Variants in SHANK2 observed in about 807,000 individuals in gnomAD.
The protein encoded by SHANK2 is SH3 and multiple ankyrin repeat domains 2, also known as SH3 and multiple ankyrin repeat domains protein 2.
A neutral mutation model predicts 133.7 loss-of-function variants in SHANK2; 43 were observed. That is an observed-to-expected ratio of 0.32 (90% CI 0.25 to 0.41). The LOEUF is 0.41. Among genes scored for constraint, SHANK2 ranks in the 10% least tolerant of loss-of-function variants. The pLI is 1.00. For synonymous variants in SHANK2, 1,017 were observed against 952.8 expected, an observed-to-expected ratio of 1.07 and a Z score of -1.24; for missense variants, 1,994 against 2,235.8, an observed-to-expected ratio of 0.89 and a Z score of 2.18.
At chr11:70,663,734 C>T (rs1045977070) in intron 15 of SHANK2, among the ~76,000 whole-genome samples, 4 of 152,314 alleles carry the variant, frequency 2.6e-5, no homozygotes, top group Admixed American at 1.3e-4. Flanking sequence ...CTGGGGAACT[C>T]GGTCACAACT....
rs1053404030 is a variant in SHANK2, at chr11:70,728,996, G to C, written c.1778-30233C>G. Among the ~76,000 whole-genome samples the C allele has an allele frequency of 3.9e-5, 6 of 152,062 alleles. No homozygotes were observed. The East Asian group carries it at 1.2e-3, about 29-fold the overall frequency. On this transcript the variant is annotated intron_variant, in intron 14 of 25. Transcript: ENST00000601538. The stretch of plus-strand genomic sequence containing the variant: ...GAGGTGGGTGGATCACCTGAGCTCA[G>C]GAGTTCGAGACCAGCCTGGCCAACA...
rs1555094294 is a variant in SHANK2 at position 71,092,521 on chromosome 11, T to C, written c.813A>G (p.Thr271=). Residue 271 remains threonine, a synonymous_variant, in exon 8 of 26, where the codon ACA becomes ACG. Transcript: ENST00000601538. The stretch of plus-strand genomic sequence containing the variant: ...AGTAGGGATCACCTCCGACGATGGC[T>C]GTGTGATACAGCGGGGTGAGGCCGT... ...DSYGLTPLYH[T]AIVGGDPYCC... The C allele has an allele frequency of 6.4e-7, 1 of 1,551,758 alleles. No individual in the cohort carries two copies. The highest frequency in any genetic ancestry group is 2.0e-5 in the Admixed American group (1 of 50,998).
chr11:70,645,249 T>C (rs2061244369), intron 17 of SHANK2, among the ~76,000 whole-genome samples: 1 of 152,000 alleles, frequency 6.6e-6, no homozygotes, highest in Admixed American at 6.6e-5. Context: ...ACATCAAGAA[T>C]GCTTTGAAGA....
At position 70,486,634 on chromosome 11, in the gene SHANK2, A is replaced by G. The variant is rs1555153747; in HGVS notation, c.3659T>C (p.Leu1220Pro). 1 of 1,612,962 alleles carries G rather than the reference A, an allele frequency of 6.2e-7. No individual in the cohort carries two copies. The highest frequency in any genetic ancestry group is 1.7e-5 in the Admixed American group (1 of 60,006). The change falls in exon 25 of 26, where the codon CTC (leucine) becomes CCC (proline). Residue 1220 changes from leucine to proline, a missense_variant. By Grantham distance (98) the Leu-to-Pro change is moderately conservative. Transcript: ENST00000601538. The surrounding 1 kb of genome is among the most constrained non-coding windows in gnomAD (Gnocchi z 8.0). The stretch of plus-strand genomic sequence containing the variant: ...CTTCATGGCTCGGTCCCTTGCGGAG[A>G]GTGCCAGGGCCAGCGGGGAGCTGGG... ...LDPSSPLALA[L>P]SARDRAMKES...
intron 9 of SHANK2, among the ~76,000 whole-genome samples, chr11:71,070,443 G>C (rs1384122497): frequency 6.6e-6 from 1 of 152,220 alleles, no homozygotes; most frequent in Admixed American, 6.5e-5. Flanking sequence ...GCCAGCTAAT[G>C]CATTTCTACC....
At chr11:70,813,331 G>A (rs567383877) in intron 12 of SHANK2, among the ~76,000 whole-genome samples, 2 of 152,254 alleles carry the variant, frequency 1.3e-5, no homozygotes, top group African/African-American at 4.8e-5. Context: ...GGGATGTTCG[G>A]GGAGAAATGG....
intron 14 of SHANK2, among the ~76,000 whole-genome samples, chr11:70,719,205 T>G (rs1946020830): frequency 6.6e-6 from 1 of 152,092 alleles, no homozygotes; most frequent in Admixed American, 6.5e-5. Context: ...CCCACCCACG[T>G]TGGAATAGAC....
At position 70,500,740 on chromosome 11, in the gene SHANK2, G is replaced by A. The variant is rs1555158277; in HGVS notation, c.2288-150C>T. The stretch of plus-strand genomic sequence containing the variant: ...AGGGGCTGTCTGGAACGCTGCGAAC[G>A]CAGGCTGCGCTATCCATGGAGTGGC... On this transcript the variant is annotated intron_variant, in intron 20 of 25. Transcript: ENST00000601538. The surrounding 1 kb of genome is among the most constrained non-coding windows in gnomAD (Gnocchi z 4.5). The A allele has an allele frequency of 4.0e-6, 4 of 999,396 alleles. No homozygotes were observed. The highest frequency in any genetic ancestry group is 4.0e-5 in the Admixed American group (2 of 50,284). The allele number at this position is 999,396 out of a possible 1,614,324, so 61.9% of individuals were successfully genotyped here.
intron 17 of SHANK2, among the ~76,000 whole-genome samples, chr11:70,658,550 C>T (rs1349830833): frequency 3.9e-5 from 6 of 152,164 alleles, no homozygotes; most frequent in African/African-American, 1.4e-4. Flanking sequence ...CATCTTCCAG[C>T]AAATCAAAGA....
rs915917860 is a variant in SHANK2, at chr11:71,063,832, G to A, written c.1030-7274C>T. On this transcript the variant is annotated intron_variant, in intron 9 of 25. Coordinates refer to ENST00000601538, the MANE Select transcript of SHANK2 (RefSeq NM_012309.5). ...CTTTTTCTCTTGGCATGAATTTTCC[G>A]AGACACTTCCCTTAATAAATGTACC... 2.9e-3 allele frequency among the ~76,000 whole-genome samples: 440 copies of A among 152,240 alleles called. 1 individual carries two copies. The highest frequency in any genetic ancestry group is 0.01 in the African/African-American group (424 of 41,522).
At chr11:70,902,662 T>A (rs1047246951) in intron 10 of SHANK2, among the ~76,000 whole-genome samples, 1 of 151,934 alleles carries the variant, frequency 6.6e-6, no homozygotes, top group Non-Finnish European at 1.5e-5. Flanking sequence ...CCACAGGATT[T>A]TTTTTGTGGG....
chr11:71,154,317 G>A (rs1419764743), intron 2 of SHANK2, among the ~76,000 whole-genome samples: 1 of 152,200 alleles, frequency 6.6e-6, no homozygotes, highest in African/African-American at 2.4e-5. Flanking sequence ...TCCATCGGAT[G>A]TTAGAAAATT....
chr11:71,071,601 C>G lies in SHANK2; in HGVS notation c.1029+3558G>C, dbSNP rs973401843. Among the ~76,000 whole-genome samples, 29 of 152,330 alleles carry G rather than the reference C, an allele frequency of 1.9e-4. No individual in the cohort carries two copies. The East Asian group carries it at 4.8e-3, about 25-fold the overall frequency. ...ATGTACAACTATGTGAGGGAGTCAT[C>G]AGCAGAAGGCTTGACTGAGGGTCAG... On this transcript the variant is annotated intron_variant, in intron 9 of 25. Transcript: ENST00000601538.
chr11:70,800,318 G>A (rs1379520904), intron 13 of SHANK2, among the ~76,000 whole-genome samples: 2 of 152,206 alleles, frequency 1.3e-5, no homozygotes, highest in Admixed American at 1.3e-4. Flanking sequence ...GAGCCACTGC[G>A]CCGGTCTGTA....
At chr11:71,137,523 T>C (rs548080179) in intron 3 of SHANK2, among the ~76,000 whole-genome samples, 19 of 152,152 alleles carry the variant, frequency 1.2e-4, no homozygotes, top group African/African-American at 4.6e-4. Context: ...GCTGTGTGAA[T>C]GGAAATTCTA....
chr11:70,520,521 A>G (rs983939641), intron 17 of SHANK2, among the ~76,000 whole-genome samples: 7 of 152,168 alleles, frequency 4.6e-5, no homozygotes, highest in Non-Finnish European at 1.0e-4. Context: ...CACTGTCACC[A>G]AGACTTTTCG....
chr11:70,891,240 C>T (rs1949840570), intron 11 of SHANK2, among the ~76,000 whole-genome samples: 1 of 152,216 alleles, frequency 6.6e-6, no homozygotes. Flanking sequence ...AGAGGCCGGG[C>T]ACGGTGGCTC....
chr11:70,771,782 G>T (rs1265766348), intron 14 of SHANK2, among the ~76,000 whole-genome samples: 6 of 152,156 alleles, frequency 3.9e-5, no homozygotes, highest in African/African-American at 1.4e-4. Flanking sequence ...TTTAGGATTT[G>T]GAGGTTCATA....
At chr11:70,841,140 G>A (rs930572758) in intron 11 of SHANK2, among the ~76,000 whole-genome samples, 2 of 152,030 alleles carry the variant, frequency 1.3e-5, no homozygotes, top group African/African-American at 2.4e-5. Flanking sequence ...GCATGGTAGC[G>A]GGCACCTATA....
Sources: gnomAD v4.1 joint callset for allele counts (sites outside exome capture counted in the v4.1 genomes callset) on GRCh38, gnomAD v4.1.1 for gene constraint, Gnocchi (gnomAD v3.1) non-coding constraint, MANE v1.5 for transcripts, NCBI Gene and HGNC (gene_info 2026-07-23, HGNC 2026-07-21) for gene names.